CFHR4: variants seen among roughly 807,000 people sequenced by gnomAD.
CFHR4 encodes the protein complement factor H-related protein 4.
In CFHR4, 64 loss-of-function variants were observed where a neutral mutation model predicts 69.3. The observed-to-expected ratio is 0.92, with a 90% CI of 0.76 to 1.14. The LOEUF (loss-of-function observed/expected upper bound fraction) is 1.14, where lower values mean the gene tolerates loss of function less well. Among genes scored for constraint, CFHR4 ranks in the 50% most tolerant of loss-of-function variants. CFHR4 has a pLI of 0.00. For synonymous variants in CFHR4, 244 were observed against 237.0 expected (o/e 1.03, Z -0.27); for missense variants, 636 against 684.9 (o/e 0.93, Z 0.80).
chr1:196,911,497 T>C (rs1469700907), intron 6 of CFHR4, among the ~76,000 whole-genome samples: 1 of 150,610 alleles, frequency 6.6e-6, no homozygotes, highest in Non-Finnish European at 1.5e-5. Flanking sequence ...TCTATTTTTA[T>C]AGTTAATGCT....
intron 1 of CFHR4, among the ~76,000 whole-genome samples, chr1:196,892,399 T>A (rs1229330068): frequency 6.6e-6 from 1 of 151,532 alleles, no homozygotes; most frequent in Non-Finnish European, 1.5e-5. Context: ...TTGGCAGGGT[T>A]TTTTTGTGCC....
At chr1:196,905,808 T>C (rs980508838) in intron 3 of CFHR4, among the ~76,000 whole-genome samples, 4 of 151,394 alleles carry the variant, frequency 2.6e-5, no homozygotes, top group Admixed American at 2.6e-4. Flanking sequence ...GCTTATTGTC[T>C]AGTACAGAGA....
In CFHR4 at chr1:196,914,002, T is replaced by C. The variant is rs994214364; in HGVS notation, c.1181-493T>C. Reference sequence around the variant, plus strand: ...TACTCAGCTTTGATAAATGATCTACTTTAAAACTTGTAAAATAAAAGACAG... The same window carrying C: ...TACTCAGCTTTGATAAATGATCTACCTTAAAACTTGTAAAATAAAAGACAG... On this transcript the variant is annotated intron_variant, in intron 7 of 9. Coordinates refer to ENST00000608469, the MANE Select transcript of CFHR4 (RefSeq NM_001201550.3). 6.3e-4 allele frequency among the ~76,000 whole-genome samples: 96 copies of C among 151,666 alleles called. 2 individuals are homozygous for C. Among genetic ancestry groups the C allele is most frequent in the African/African-American group, 2.3e-3 (94 of 41,252 alleles).
At chr1:196,889,332 T>C (rs1193480127) in intron 1 of CFHR4, among the ~76,000 whole-genome samples, 1 of 151,624 alleles carries the variant, frequency 6.6e-6, no homozygotes, top group Non-Finnish European at 1.5e-5. Flanking sequence ...TTATTCCCTT[T>C]GTTAACTAAA....
At chr1:196,914,450 A>G (rs1451916595) in intron 7 of CFHR4, 45 bp from the exon 8 acceptor site, 2 of 1,568,988 alleles carry the variant, frequency 1.3e-6, no homozygotes, top group Non-Finnish European at 1.7e-6. Context: ...TGAGTTGTGC[A>G]TCGTATGGCA....
intron 2 of CFHR4, among the ~76,000 whole-genome samples, chr1:196,903,229 C>T (rs1460424161): frequency 2.0e-5 from 3 of 151,254 alleles, no homozygotes; most frequent in Non-Finnish European, 4.4e-5. Flanking sequence ...AACTCTGAAG[C>T]CGAATTTATG....
At chr1:196,899,075 A>G (rs1276420285) in intron 1 of CFHR4, among the ~76,000 whole-genome samples, 2 of 151,622 alleles carry the variant, frequency 1.3e-5, no homozygotes, top group African/African-American at 2.4e-5. Context: ...AGGCTCCACT[A>G]TTTTGAGGAA....
intron 9 of CFHR4, among the ~76,000 whole-genome samples, chr1:196,917,682 A>ATG (rs750378635): frequency 1.1e-4 from 16 of 151,664 alleles, no homozygotes; most frequent in Middle Eastern, 6.8e-3. Flanking sequence ...GTATGTATGT[A>ATG]TGTATATATA....
chr1:196,914,910 A>G (rs1342300342), intron 8 of CFHR4, 46 bp from the exon 9 acceptor site: 2 of 1,592,340 alleles, frequency 1.3e-6, no homozygotes, highest in South Asian at 2.2e-5. Flanking sequence ...GAAAGTTTCC[A>G]ATAAGACTAT....
rs1280070778 is a variant in CFHR4 at position 196,910,452 on chromosome 1, G to T, written c.971G>T (p.Gly324Val). The T allele has an allele frequency of 6.2e-7, 1 of 1,612,598 alleles. No individual in the cohort carries two copies. The highest frequency in any genetic ancestry group is 1.1e-5 in the South Asian group (1 of 91,034). The change falls in exon 6 of 10, where the codon GGG becomes GTG. Residue 324 changes from glycine (G) to valine (V), a missense_variant. Coordinates refer to ENST00000608469, the MANE Select transcript of CFHR4 (RefSeq NM_001201550.3). ...YWDYIHCTQD[G>V]WLPTVPCLRT... ...GATTACATTCACTGCACACAAGATG[G>T]GTGGTTGCCAACAGTCCCATGCCTC...
Position 196,918,328 on chromosome 1 carries a change from A to G in CFHR4, c.1659A>G (p.Gly553=), listed in dbSNP as rs1387795130. Residue 553 remains glycine, a synonymous_variant, in exon 10 of 10, where the codon GGA becomes GGG. Transcript: ENST00000608469. ...CCATTGAATTTATGTGTAAATTGGG[A>G]TATAATGCGAATACATCAGTTCTAT... The part of the protein sequence containing the change: ...GDTIEFMCKL[G]YNANTSVLSF... 6.2e-7 allele frequency: 1 copy of G among 1,611,722 alleles called. No individual in the cohort carries two copies. Among genetic ancestry groups the G allele is most frequent in the Non-Finnish European group, 8.5e-7 (1 of 1,178,896 alleles).
chr1:196,890,589 T>C (rs1190233799), intron 1 of CFHR4, among the ~76,000 whole-genome samples: 1 of 151,566 alleles, frequency 6.6e-6, no homozygotes, highest in Non-Finnish European at 1.5e-5. Flanking sequence ...ATTTCATTCA[T>C]CTATTAGAGT....
chr1:196,918,264 G>A lies in CFHR4; in HGVS notation c.1595G>A (p.Gly532Glu). 6.2e-7 allele frequency: 1 copy of A among 1,607,876 alleles called. No homozygotes were observed. Among genetic ancestry groups the A allele is most frequent in the Admixed American group, 1.7e-5 (1 of 59,824 alleles). Residue 532 changes from glycine to glutamate, a missense_variant, in exon 10 of 10, where the codon GGA (glycine) becomes GAA (glutamate). Transcript: ENST00000608469. ...AATAAAAATAACATACAGTTAAAAG[G>A]AAAAAGTGACATAAAATATTATGCA... ...NMNKNNIQLK[G>E]KSDIKYYAKT...
At chr1:196,903,928 T>A (rs931398273) in intron 2 of CFHR4, among the ~76,000 whole-genome samples, 15 of 151,714 alleles carry the variant, frequency 9.9e-5, no homozygotes, top group African/African-American at 3.6e-4. Context: ...CACATTCAGT[T>A]ATAGCTGACT....
intron 9 of CFHR4, among the ~76,000 whole-genome samples, chr1:196,916,101 T>G (rs12733190): frequency 0.027 from 3,867 of 145,734 alleles, 249 homozygotes; most frequent in African/African-American, 0.088. Context: ...CCTTATACCA[T>G]AATCAAAATG....
intron 2 of CFHR4, among the ~76,000 whole-genome samples, chr1:196,904,568 T>C (rs1657807091): frequency 6.6e-6 from 1 of 151,534 alleles, no homozygotes. Flanking sequence ...ATTTTTGCTA[T>C]CTTGTTTGTT....
intron 9 of CFHR4, 28 bp from the exon 10 acceptor site, chr1:196,918,182 T>A (rs929495605): frequency 1.9e-6 from 3 of 1,592,452 alleles, no homozygotes; most frequent in Non-Finnish European, 2.6e-6. Flanking sequence ...AGATTATGAT[T>A]GTTAATTGTT....
At position 196,903,634 on chromosome 1, in the gene CFHR4, T is replaced by C. The variant is rs570937516; in HGVS notation, c.256+1019T>C. Among the ~76,000 whole-genome samples, 13 of 150,730 alleles carry C rather than the reference T, an allele frequency of 8.6e-5. 1 individual carries two copies. The highest frequency in any genetic ancestry group is 2.7e-4 in the African/African-American group (11 of 40,756). The stretch of plus-strand genomic sequence containing the variant: ...GACCACTGCACTCCAGACTCGGTGA[T>C]AGAGCAAGACTCTGTCTCAAGAAAA... On this transcript the variant is annotated intron_variant, in intron 2 of 9. Coordinates refer to ENST00000608469, the MANE Select transcript of CFHR4 (RefSeq NM_001201550.3).
chr1:196,893,961 T>G (rs2124936490), intron 1 of CFHR4, among the ~76,000 whole-genome samples: 1 of 151,672 alleles, frequency 6.6e-6, no homozygotes, highest in African/African-American at 2.4e-5. Context: ...ATGATAACTC[T>G]TAACAGCTGG....
Sources: allele counts gnomAD v4.1 joint callset (sites outside exome capture counted in the v4.1 genomes callset), GRCh38; gene constraint gnomAD v4.1.1; transcripts MANE v1.5; gene names NCBI Gene and HGNC (gene_info 2026-07-23, HGNC 2026-07-21).